The following PLS3 variants were observed in gnomAD, a reference collection of about 807,000 sequenced individuals.
PLS3 encodes plastin-3.
A neutral mutation model predicts 46.5 loss-of-function variants in PLS3; 11 were observed. The observed-to-expected ratio is 0.24, with a 90% confidence interval of 0.15 to 0.39. PLS3 has a LOEUF of 0.39. Among genes scored for constraint, PLS3 ranks in the 10% least tolerant of loss-of-function variants. The probability of loss-of-function intolerance (pLI) is 1.00; values close to 1 mark genes in which losing one functional copy is unlikely to be tolerated. For missense variants in PLS3, 308 were observed against 461.8 expected, an observed-to-expected ratio of 0.67 and a Z score of 3.05; for synonymous variants, 167 against 162.2, an observed-to-expected ratio of 1.03 and a Z score of -0.22.
chrX:115,578,871 C>G (rs999583570), intron 1 of PLS3, among the ~76,000 whole-genome samples: 1 of 110,451 alleles, frequency 9.1e-6, no homozygotes, highest in African/African-American at 3.3e-5. Context: ...TAGATTCACA[C>G]CTACTTGTAA....
intron 5 of PLS3, among the ~76,000 whole-genome samples, chrX:115,631,204 C>T (rs1556639375): frequency 1.9e-5 from 2 of 104,962 alleles, no homozygotes; most frequent in Non-Finnish European, 3.9e-5. Context: ...TACAGGCATG[C>T]ACCACCACAC....
chrX:115,642,397 A>G (rs1464583618), intron 9 of PLS3, among the ~76,000 whole-genome samples: 1 of 111,530 alleles, frequency 9.0e-6, no homozygotes, highest in African/African-American at 3.3e-5. Context: ...AATTCAAGCA[A>G]CAGTTCACAA....
intron 2 of PLS3, among the ~76,000 whole-genome samples, chrX:115,619,109 G>A (rs1220006990): frequency 8.9e-6 from 1 of 111,974 alleles, no homozygotes; most frequent in Non-Finnish European, 1.9e-5. Context: ...AAGTGTTTGT[G>A]TGAGGGGAGG....
At chrX:115,633,478 A>T (rs782196643) in intron 5 of PLS3, among the ~76,000 whole-genome samples, 2 of 108,606 alleles carry the variant, frequency 1.8e-5, no homozygotes, top group African/African-American at 6.7e-5. Context: ...CCAGGGTTTT[A>T]TTTATTTATT....
chrX:115,563,331 A>G (rs782546876), intron 1 of PLS3, among the ~76,000 whole-genome samples: 1 of 111,931 alleles, frequency 8.9e-6, no homozygotes, highest in East Asian at 2.8e-4. Context: ...AGTAAATTTG[A>G]TACATCGAGT....
chrX:115,574,202 G>A (rs781995494), intron 1 of PLS3, among the ~76,000 whole-genome samples: 2 of 111,611 alleles, frequency 1.8e-5, no homozygotes, highest in South Asian at 3.8e-4. Flanking sequence ...CTGAGAAAAA[G>A]CCCCATTTTC....
chrX:115,649,291 C>A, intron 15 of PLS3, 138 bp from the exon 16 acceptor site: 1 of 435,266 alleles, frequency 2.3e-6, no homozygotes, highest in Non-Finnish European at 3.6e-6. Context: ...AAACAAAAAG[C>A]AAAACTGTTC....
chrX:115,600,578 AAAG>A (rs1378631959), intron 1 of PLS3, among the ~76,000 whole-genome samples: 7 of 112,452 alleles, frequency 6.2e-5, no homozygotes, highest in Non-Finnish European at 1.1e-4. Context: ...GCTGTTCGTG[AAAG>A]AAGGATTTTC....
chrX:115,589,081 C>A (rs2074328440), intron 1 of PLS3, among the ~76,000 whole-genome samples: 1 of 111,010 alleles, frequency 9.0e-6, no homozygotes, highest in African/African-American at 3.3e-5. Flanking sequence ...TATCCTCCTA[C>A]CTCAGCCTCC....
chrX:115,622,360 A>G lies in PLS3; in HGVS notation c.188A>G (p.Asp63Gly), dbSNP rs987712053. 6.7e-6 allele frequency: 8 copies of G among 1,195,510 alleles called. No individual in the cohort carries two copies. The highest frequency in any genetic ancestry group is 2.2e-5 in the Admixed American group (1 of 45,231). Residue 63 changes from aspartate (D) to glycine (G), a missense_variant, in exon 3 of 16, where the codon GAT becomes GGT. Physicochemically the swap from Asp to Gly is moderately conservative, Grantham distance 94. Around this residue, in one of 2 missense-constraint regions of PLS3, gnomAD observed 271 missense variants for 435.7 expected, o/e 0.62. Transcript: ENST00000355899. ...GAAATTATTCAGAAACTCATGCTGG[A>G]TGGTGACAGGAATAAAGATGGGAAA... ...VREIIQKLMLDGDRNKDGKIS... is the reference protein window; with the variant it reads ...VREIIQKLMLGGDRNKDGKIS...
rs782114472 is a variant in PLS3, at chrX:115,610,336, TG to T, written c.73+14del. 1 of 993,792 alleles carries T rather than the reference TG, an allele frequency of 1.0e-6. No individual in the cohort carries two copies. The highest frequency in any genetic ancestry group is 1.4e-6 in the Non-Finnish European group (1 of 712,656). The allele number at this position is 993,792 out of a possible 1,213,427, so 81.9% of individuals were successfully genotyped here. A position where few individuals can be genotyped will look rare whatever the true frequency, so the allele number is the denominator to read the frequency against. Reference sequence around the variant, plus strand: ...TTTGCAAAAGTTGGTGAGTATTTTTTGTAGTAAAACTATAGGGAAGCAATAT... The same window carrying T: ...TTTGCAAAAGTTGGTGAGTATTTTTTTAGTAAAACTATAGGGAAGCAATAT... On this transcript the variant is annotated intron_variant, in intron 2 of 15. Coordinates refer to ENST00000355899, the MANE Select transcript of PLS3 (RefSeq NM_005032.7).
intron 9 of PLS3, among the ~76,000 whole-genome samples, chrX:115,642,419 G>A (rs1202192597): frequency 9.0e-6 from 1 of 111,419 alleles, no homozygotes; most frequent in Non-Finnish European, 1.9e-5. Context: ...CATTTCCCTT[G>A]GGATTTGAGC....
At chrX:115,583,864 C>CT (rs1231481981) in intron 1 of PLS3, among the ~76,000 whole-genome samples, 15 of 110,083 alleles carry the variant, frequency 1.4e-4, no homozygotes, top group Non-Finnish European at 2.3e-4. Context: ...AGATGTTTTT[C>CT]TTTTTTTTTG....
intron 1 of PLS3, among the ~76,000 whole-genome samples, chrX:115,605,382 G>C (rs1010587577): frequency 2.1e-4 from 24 of 111,897 alleles, no homozygotes; most frequent in African/African-American, 7.1e-4. Context: ...TTAATGCACT[G>C]GATTAATTTT....
intron 1 of PLS3, among the ~76,000 whole-genome samples, chrX:115,570,672 CTT>C (rs1269013231): frequency 9.5e-6 from 1 of 105,273 alleles, no homozygotes; most frequent in Non-Finnish European, 2.0e-5. Context: ...GCCTGGCTAA[CTT>C]TTTTTTGTAG....
chrX:115,594,622 CCTCTCTCTCTCTCTCTCCCTCCCTCT>C (rs1364602347), intron 1 of PLS3, among the ~76,000 whole-genome samples: 1 of 99,080 alleles, frequency 1.0e-5, no homozygotes, highest in Non-Finnish European at 2.0e-5. Flanking sequence ...TCTTGCCTAG[CCTCTCTCTCTCTCTCTCCCTCCCTCT>C]CTCTCTCTCT....
At chrX:115,589,244 T>C (rs1481671814) in intron 1 of PLS3, among the ~76,000 whole-genome samples, 1 of 111,567 alleles carries the variant, frequency 9.0e-6, no homozygotes, top group African/African-American at 3.3e-5. Flanking sequence ...GGTGCTGGGA[T>C]TACAAGCACC....
At chrX:115,562,009 C>T (rs781811649) in intron 1 of PLS3, among the ~76,000 whole-genome samples, 1 of 110,976 alleles carries the variant, frequency 9.0e-6, no homozygotes, top group South Asian at 3.9e-4. Context: ...CACCCCCTGT[C>T]CTTTTTTCAG....
At chrX:115,577,587 C>T (rs894879489) in intron 1 of PLS3, among the ~76,000 whole-genome samples, 2 of 110,659 alleles carry the variant, frequency 1.8e-5, no homozygotes, top group African/African-American at 3.3e-5. Context: ...AAGCAGTTCT[C>T]GTGCCTCAGC....
Sources: gnomAD v4.1 joint callset for allele counts (sites outside exome capture counted in the v4.1 genomes callset) on GRCh38, gnomAD v4.1.1 for gene constraint, gnomAD v4.1.1 regional missense constraint, MANE v1.5 for transcripts, NCBI Gene and HGNC (gene_info 2026-07-23, HGNC 2026-07-21) for gene names.